Variants in PTCHD1 observed in about 807,000 individuals in gnomAD.
PTCHD1 encodes patched domain-containing protein 1.
Under a neutral mutation model 34.6 loss-of-function variants are expected in PTCHD1, and 3 were observed. That is an observed-to-expected ratio of 0.09 (90% CI 0.04 to 0.22). The LOEUF (loss-of-function observed/expected upper bound fraction) is 0.22. Among genes scored for constraint, PTCHD1 ranks in the 10% least tolerant of loss-of-function variants. The pLI, the probability that PTCHD1 is intolerant of heterozygous loss-of-function variation, is 1.00. For missense variants in PTCHD1, 504 were observed against 685.5 expected (o/e 0.74, Z 2.96); for synonymous variants, 305 against 283.1 (o/e 1.08, Z -0.77).
chrX:23,390,791 G>T (rs1922810039), intron 2 of PTCHD1, among the ~76,000 whole-genome samples: 1 of 112,129 alleles, frequency 8.9e-6, no homozygotes, highest in Admixed American at 9.5e-5. Context: ...TTGGGCATGA[G>T]GGAAGATGTA....
chrX:23,383,101 T>A (rs1422164117), intron 2 of PTCHD1, among the ~76,000 whole-genome samples: 1 of 112,470 alleles, frequency 8.9e-6, no homozygotes, highest in Non-Finnish European at 1.9e-5. Context: ...AATGCAGTGC[T>A]AAGAGTTTTG....
intron 2 of PTCHD1, among the ~76,000 whole-genome samples, chrX:23,387,490 T>C (rs763820629): frequency 3.7e-4 from 42 of 112,530 alleles, no homozygotes; most frequent in Middle Eastern, 4.6e-3. Context: ...GATATAAAAA[T>C]TCTTTTGAGA....
chrX:23,336,256 G>A (rs1388064161), intron 1 of PTCHD1, among the ~76,000 whole-genome samples: 1 of 111,815 alleles, frequency 8.9e-6, no homozygotes, highest in East Asian at 2.8e-4. Flanking sequence ...AGGTGAGAAT[G>A]TTCCATCTGA....
At chrX:23,367,604 A>G (rs923153584) in intron 1 of PTCHD1, among the ~76,000 whole-genome samples, 3 of 111,351 alleles carry the variant, frequency 2.7e-5, no homozygotes, top group African/African-American at 9.8e-5. Flanking sequence ...TAAAGTAGCA[A>G]GCAAAACCAG....
chrX:23,386,819 T>G (rs1922696477), intron 2 of PTCHD1, among the ~76,000 whole-genome samples: 1 of 112,872 alleles, frequency 8.9e-6, no homozygotes, highest in Non-Finnish European at 1.9e-5. Context: ...ACAGCTTCAT[T>G]GACTCATGAT....
At chrX:23,364,416 C>T (rs182819761) in intron 1 of PTCHD1, among the ~76,000 whole-genome samples, 82 of 89,828 alleles carry the variant, frequency 9.1e-4, no homozygotes, top group African/African-American at 3.1e-3. Flanking sequence ...ACACACACAC[C>T]GTATTCAGTG....
intron 1 of PTCHD1, among the ~76,000 whole-genome samples, chrX:23,336,473 C>G (rs187149834): frequency 1.1e-3 from 121 of 111,694 alleles, no homozygotes; most frequent in Middle Eastern, 4.7e-3. Flanking sequence ...CTGGGGAACT[C>G]TTTCCTCTTC....
intron 1 of PTCHD1, among the ~76,000 whole-genome samples, chrX:23,365,766 G>A (rs1454663453): frequency 1.8e-5 from 2 of 112,227 alleles, no homozygotes; most frequent in Non-Finnish European, 3.8e-5. Context: ...TGACAAAGAA[G>A]TGTGGGTGCT....
At chrX:23,361,014 CAGTT>C (rs1330866609) in intron 1 of PTCHD1, among the ~76,000 whole-genome samples, 29 of 112,190 alleles carry the variant, frequency 2.6e-4, no homozygotes, top group East Asian at 5.6e-4. Context: ...GTCTGAGAGA[CAGTT>C]GGTTGTGATT....
At chrX:23,352,532 C>T (rs753625338) in intron 1 of PTCHD1, among the ~76,000 whole-genome samples, 36 of 111,396 alleles carry the variant, frequency 3.2e-4, no homozygotes, top group African/African-American at 8.8e-4. Flanking sequence ...TTATTAACTC[C>T]GAGAATTATT....
At position 23,334,978 on chromosome X, in the gene PTCHD1, A is replaced by T. The variant is rs1177685926; in HGVS notation, c.103A>T (p.Ile35Phe). Residue 35 changes from isoleucine to phenylalanine, a missense_variant, in exon 1 of 3, where the codon ATC becomes TTC. Coordinates refer to ENST00000379361, the MANE Select transcript of PTCHD1 (RefSeq NM_173495.3). ...PVFFASAPVL[I>F]SILLGASFSR... is the part of the protein sequence containing the mutation. ...CTTCTTCGCCTCGGCGCCGGTGCTC[A>T]TCTCCATCCTGCTCGGCGCCAGCTT... 1 of 1,209,895 alleles carries T rather than the reference A, an allele frequency of 8.3e-7. No individual in the cohort carries two copies. The highest frequency in any genetic ancestry group is 1.1e-6 in the Non-Finnish European group (1 of 894,667).
intron 1 of PTCHD1, among the ~76,000 whole-genome samples, chrX:23,374,730 AT>A (rs1261614768): frequency 8.9e-6 from 1 of 111,749 alleles, no homozygotes; most frequent in Admixed American, 9.5e-5. Flanking sequence ...AGTAGCCGTA[AT>A]AATGTTCAAT....
At chrX:23,347,692 A>G (rs1471971397) in intron 1 of PTCHD1, among the ~76,000 whole-genome samples, 4 of 112,016 alleles carry the variant, frequency 3.6e-5, no homozygotes, top group Non-Finnish European at 7.5e-5. Context: ...TTTAAATTCA[A>G]TACCAGACAG....
chrX:23,357,717 A>G (rs1921846229), intron 1 of PTCHD1, among the ~76,000 whole-genome samples: 2 of 111,326 alleles, frequency 1.8e-5, no homozygotes, highest in African/African-American at 6.5e-5. Context: ...CGTGCAGGCT[A>G]GTTACATAGG....
At chrX:23,391,503 T>C (rs1299249125) in intron 2 of PTCHD1, among the ~76,000 whole-genome samples, 1 of 111,526 alleles carries the variant, frequency 9.0e-6, no homozygotes, top group Non-Finnish European at 1.9e-5. Context: ...CTCCTACTTA[T>C]TTTGCTTCCC....
At position 23,393,613 on chromosome X, in the gene PTCHD1, C is replaced by T; in HGVS notation, c.2095C>T (p.Pro699Ser). The change falls in exon 3 of 3, where the codon CCC becomes TCC. Residue 699 changes from proline (P) to serine (S), a missense_variant. Coordinates refer to ENST00000379361, the MANE Select transcript of PTCHD1 (RefSeq NM_173495.3). The stretch of plus-strand genomic sequence containing the variant: ...TCGATATGCCTCCTCTCTGGGAGCC[C>T]CCCTGCACAACTCCTGCATCAGTGC... ...MDRYASSLGA[P>S]LHNSCISALF... is the part of the protein sequence containing the mutation. 8.3e-7 allele frequency: 1 copy of T among 1,211,419 alleles called. No homozygotes were observed. Among genetic ancestry groups the T allele is most frequent in the Non-Finnish European group, 1.1e-6 (1 of 895,294 alleles).
Position 23,399,332 on chromosome X carries a change from G to A in PTCHD1, c.*5147G>A, listed in dbSNP as rs1923066093. ...AATTCTATTCATCTAAATTATTGGG[G>A]TCTTAACCTGGGGGCCAAATGAGTT... On this transcript the variant is annotated 3_prime_UTR_variant, in exon 3 of 3. Coordinates refer to ENST00000379361, the MANE Select transcript of PTCHD1 (RefSeq NM_173495.3). 2 of 111,489 alleles carry A rather than the reference G, an allele frequency of 1.8e-5. No homozygotes were observed. Among genetic ancestry groups the A allele is most frequent in the Admixed American group, 1.9e-4 (2 of 10,517 alleles). 9.2% of individuals were successfully genotyped at this position (111,489 alleles called of 1,213,427 possible).
intron 2 of PTCHD1, among the ~76,000 whole-genome samples, chrX:23,390,812 T>A (rs1408001767): frequency 8.9e-6 from 1 of 112,390 alleles, no homozygotes; most frequent in Admixed American, 9.4e-5. Context: ...CACCTAGCTA[T>A]TGTACACACA....
At position 23,394,409 on chromosome X, in the gene PTCHD1, G is replaced by GATAGACACACACACACACAC. The variant is rs1922924320; in HGVS notation, c.*225_*226insTAGACACACACACACACACA. 1.0e-5 allele frequency: 2 copies of GATAGACACACACACACACAC among 200,371 alleles called. No homozygotes were observed. The highest frequency in any genetic ancestry group is 1.8e-5 in the Non-Finnish European group (2 of 114,086). 16.5% of individuals were successfully genotyped at this position (200,371 alleles called of 1,213,427 possible). On this transcript the variant is annotated 3_prime_UTR_variant, in exon 3 of 3. Transcript: ENST00000379361. ...TGTTATGAGAATTCACACACACATA[G>GATAGACACACACACACACAC]ACACACACACACACACACACACACA...
Sources: gnomAD v4.1 joint callset for allele counts (sites outside exome capture counted in the v4.1 genomes callset) on GRCh38, gnomAD v4.1.1 for gene constraint, MANE v1.5 for transcripts, NCBI Gene and HGNC (gene_info 2026-07-23, HGNC 2026-07-21) for gene names.